The following MAP2K1 variants were observed in gnomAD, a reference collection of about 807,000 sequenced individuals.
MAP2K1 encodes mitogen-activated protein kinase kinase 1.
In MAP2K1, 16 loss-of-function variants were observed where a neutral mutation model predicts 46.3. The observed-to-expected ratio is 0.35, with a 90% CI of 0.23 to 0.52. The LOEUF is 0.52. Among genes scored for constraint, MAP2K1 ranks in the 20% least tolerant of loss-of-function variants. MAP2K1 has a pLI of 0.94. For missense variants in MAP2K1, 263 were observed against 497.1 expected, an observed-to-expected ratio of 0.53 and a Z score of 4.48; for synonymous variants, 183 against 185.6, an observed-to-expected ratio of 0.99 and a Z score of 0.11.
intron 5 of MAP2K1, among the ~76,000 whole-genome samples, chr15:66,457,411 T>C (rs1269602294): frequency 6.6e-6 from 1 of 152,208 alleles, no homozygotes; most frequent in Non-Finnish European, 1.5e-5. Context: ...TGAGCCACTG[T>C]GCCCTGCTGG....
chr15:66,419,449 G>T (rs1199005618), intron 1 of MAP2K1, among the ~76,000 whole-genome samples: 2 of 151,922 alleles, frequency 1.3e-5, no homozygotes, highest in Non-Finnish European at 2.9e-5. Context: ...GAACCTGGGA[G>T]GTGGAGGTTG....
chr15:66,483,066 G>T (rs566664745), intron 6 of MAP2K1, among the ~76,000 whole-genome samples: 1 of 152,292 alleles, frequency 6.6e-6, no homozygotes, highest in African/African-American at 2.4e-5. Context: ...TAGATTCAGG[G>T]AGGTTAAGCA....
At chr15:66,453,639 C>T (rs1399049158) in intron 5 of MAP2K1, 6 of 686,494 alleles carry the variant, frequency 8.7e-6, no homozygotes, top group African/African-American at 3.5e-5. Context: ...GCCAGTTCTA[C>T]CTCTGTTCTA....
At chr15:66,420,743 G>GTATA (rs1567002945) in intron 1 of MAP2K1, among the ~76,000 whole-genome samples, 3 of 38,714 alleles carry the variant, frequency 7.7e-5, no homozygotes, top group Non-Finnish European at 1.2e-4. Flanking sequence ...GTGTGTGTGT[G>GTATA]TGTGTGTGTG....
intron 5 of MAP2K1, among the ~76,000 whole-genome samples, chr15:66,456,058 C>T (rs1224590056): frequency 1.3e-5 from 2 of 152,128 alleles, no homozygotes; most frequent in African/African-American, 2.4e-5. Flanking sequence ...TATGCTCCTC[C>T]GTGTCTATTC....
At chr15:66,490,045 C>A (rs1436158416) in intron 10 of MAP2K1, 9 of 566,790 alleles carry the variant, frequency 1.6e-5, no homozygotes, top group Non-Finnish European at 2.8e-5. Context: ...GGGGATGCGG[C>A]CTTTCCCTAA....
At chr15:66,402,908 T>C (rs1034541469) in intron 1 of MAP2K1, among the ~76,000 whole-genome samples, 8 of 152,224 alleles carry the variant, frequency 5.3e-5, no homozygotes, top group Non-Finnish European at 8.8e-5. Context: ...GGGAACACTA[T>C]TAAGTGTAAC....
rs572841522 is a variant in MAP2K1 at position 66,440,498 on chromosome 15, C to T, written c.439-2782C>T. 5.9e-5 allele frequency among the ~76,000 whole-genome samples: 9 copies of T among 152,306 alleles called. No homozygotes were observed. The South Asian group carries it at 1.9e-3, about 32-fold the overall frequency. ...CTTTCCTAGAAATAAGCTCTGTGTG[C>T]ACTGCCCAGTCTGAATTTTGAGACC... On this transcript the variant is annotated intron_variant, in intron 3 of 10. Transcript: ENST00000307102.
intron 1 of MAP2K1, among the ~76,000 whole-genome samples, chr15:66,432,272 C>T (rs750045898): frequency 1.2e-4 from 18 of 152,148 alleles, no homozygotes; most frequent in Non-Finnish European, 2.4e-4. Context: ...TCTCACTGGC[C>T]AGCTTCTGAA....
intron 1 of MAP2K1, among the ~76,000 whole-genome samples, chr15:66,389,987 A>C (rs1018471935): frequency 6.6e-6 from 1 of 152,242 alleles, no homozygotes; most frequent in African/African-American, 2.4e-5. Flanking sequence ...GAGGTAGTAC[A>C]TAGTAAACTT....
rs894960709 is a variant in MAP2K1, at chr15:66,386,945, G to A, written c.-403G>A. 3.9e-6 allele frequency: 1 copy of A among 253,930 alleles called. No individual in the cohort carries two copies. Among genetic ancestry groups the A allele is most frequent in the Non-Finnish European group, 7.5e-6 (1 of 133,222 alleles). 15.7% of individuals were successfully genotyped at this position (253,930 alleles called of 1,614,324 possible). On this transcript the variant is annotated 5_prime_UTR_variant, in exon 1 of 11. Transcript: ENST00000307102. Reference sequence around the variant, plus strand: ...CCAGGGCCGCTTCGCAGAGCGGCTAGGAGCACGGCGGCGGCGGCACTTTCC... The same window carrying A: ...CCAGGGCCGCTTCGCAGAGCGGCTAAGAGCACGGCGGCGGCGGCACTTTCC...
In MAP2K1 at chr15:66,491,224, A is replaced by G. The variant is rs1196351476; in HGVS notation, c.*609A>G. On this transcript the variant is annotated 3_prime_UTR_variant, in exon 11 of 11. Coordinates refer to ENST00000307102, the MANE Select transcript of MAP2K1 (RefSeq NM_002755.4). ...TAGCTGGGGCTTCACCAGTCTGTCTACTGTGGTGATCTGTAGACTTCTGGT... is the reference window on the plus strand; with the variant it reads ...TAGCTGGGGCTTCACCAGTCTGTCTGCTGTGGTGATCTGTAGACTTCTGGT... The G allele has an allele frequency of 1.2e-5, 3 of 252,000 alleles. No individual in the cohort carries two copies. Among genetic ancestry groups the G allele is most frequent in the South Asian group, 2.5e-4 (2 of 8,078 alleles). 15.6% of individuals were successfully genotyped at this position (252,000 alleles called of 1,614,324 possible).
At chr15:66,449,448 G>C (rs1402546104) in intron 5 of MAP2K1, among the ~76,000 whole-genome samples, 1 of 152,188 alleles carries the variant, frequency 6.6e-6, no homozygotes, top group Non-Finnish European at 1.5e-5. Context: ...GGCTGCCTGA[G>C]GGTTTAGAGG....
Position 66,444,860 on chromosome 15 carries a change from G to A in MAP2K1, c.568+153G>A. The stretch of plus-strand genomic sequence containing the variant: ...AAAGTCTTTGTTTAGTTTGGTGGCT[G>A]AGGCAGCAACTCCTACCCTCTTTTT... On this transcript the variant is annotated intron_variant, in intron 5 of 10. Transcript: ENST00000307102. The A allele has an allele frequency of 5.7e-6, 4 of 696,442 alleles. No homozygotes were observed. The East Asian group carries it at 8.1e-5, about 14-fold the overall frequency. The allele number at this position is 696,442 out of a possible 1,614,324, so 43.1% of individuals were successfully genotyped here.
At chr15:66,454,153 C>A (rs985010061) in intron 5 of MAP2K1, among the ~76,000 whole-genome samples, 2 of 152,170 alleles carry the variant, frequency 1.3e-5, no homozygotes, top group African/African-American at 4.8e-5. Flanking sequence ...TACTTAAGTA[C>A]CCTTTAAGCC....
chr15:66,453,625 C>T (rs1348618496), intron 5 of MAP2K1: 1 of 699,628 alleles, frequency 1.4e-6, no homozygotes, highest in Non-Finnish European at 2.6e-6. Context: ...TGGGCTTCCT[C>T]ATGGCCAGTT....
chr15:66,397,516 A>G (rs938045327), intron 1 of MAP2K1, among the ~76,000 whole-genome samples: 5 of 152,208 alleles, frequency 3.3e-5, no homozygotes, highest in Admixed American at 1.3e-4. Flanking sequence ...TGCTATGCAA[A>G]TGGATGTGTT....
intron 1 of MAP2K1, among the ~76,000 whole-genome samples, chr15:66,424,875 A>G (rs1275405734): frequency 7.3e-6 from 1 of 136,686 alleles, no homozygotes; most frequent in Non-Finnish European, 1.5e-5. Context: ...TCGGCTCACT[A>G]CAACCTCTGC....
Position 66,399,136 on chromosome 15 carries a change from A to G in MAP2K1, c.80+11709A>G, listed in dbSNP as rs139020162. Among the ~76,000 whole-genome samples the G allele has an allele frequency of 1.6e-3, 245 of 152,354 alleles. 6 individuals are homozygous for G. The East Asian group carries it at 0.036, about 23-fold the overall frequency. On this transcript the variant is annotated intron_variant, in intron 1 of 10. Transcript: ENST00000307102. ...TATATAGGAGAATTCATATTCATAC[A>G]TAATGCACAAAACTTACTCTGAGGT...
Sources: allele counts gnomAD v4.1 joint callset (sites outside exome capture counted in the v4.1 genomes callset), GRCh38; gene constraint gnomAD v4.1.1; transcripts MANE v1.5; gene names NCBI Gene and HGNC (gene_info 2026-07-23, HGNC 2026-07-21).